Variants in INPP5F observed in about 807,000 individuals in gnomAD.
The protein encoded by INPP5F is phosphatidylinositide 4-phosphatase SAC2.
Under a neutral mutation model 137.2 loss-of-function variants are expected in INPP5F, and 97 were observed. That is an observed-to-expected ratio of 0.71 (90% confidence interval 0.60 to 0.84). The LOEUF is 0.84. INPP5F is among the 40% of genes least tolerant of loss of function. The pLI, the probability that INPP5F is intolerant of heterozygous loss-of-function variation, is 0.00. For synonymous variants in INPP5F, 504 were observed against 476.9 expected (o/e 1.06, Z -0.74); for missense variants, 1,271 against 1,371.9 (o/e 0.93, Z 1.16).
intron 15 of INPP5F, among the ~76,000 whole-genome samples, chr10:119,817,733 G>C (rs1190224457): frequency 6.6e-6 from 1 of 152,202 alleles, no homozygotes; most frequent in Non-Finnish European, 1.5e-5. Flanking sequence ...GTTGGGATTA[G>C]GGTCAAGTGA....
chr10:119,784,613 TTAA>T (rs896774341), intron 3 of INPP5F, among the ~76,000 whole-genome samples: 34 of 152,348 alleles, frequency 2.2e-4, no homozygotes, highest in Non-Finnish European at 4.1e-4. Context: ...GAGACGGGTA[TTAA>T]TAGAATTTCT....
intron 3 of INPP5F, among the ~76,000 whole-genome samples, chr10:119,783,538 G>C (rs1295441103): frequency 1.3e-5 from 2 of 152,156 alleles, no homozygotes; most frequent in African/African-American, 2.4e-5. Flanking sequence ...GAGGTGTTCT[G>C]ATGTCCTTCA....
intron 18 of INPP5F, among the ~76,000 whole-genome samples, chr10:119,823,565 A>C (rs1243387731): frequency 6.8e-6 from 1 of 146,228 alleles, no homozygotes; most frequent in African/African-American, 2.5e-5. Context: ...GTGCTTGAAC[A>C]AACATGAACT....
At chr10:119,782,804 G>A (rs755683667) in intron 3 of INPP5F, among the ~76,000 whole-genome samples, 8 of 152,110 alleles carry the variant, frequency 5.3e-5, no homozygotes, top group Non-Finnish European at 7.4e-5. Flanking sequence ...CTGAGCTGCC[G>A]CCCTGTTACC....
At chr10:119,794,985 C>T (rs1476055194) in intron 6 of INPP5F, among the ~76,000 whole-genome samples, 2 of 136,176 alleles carry the variant, frequency 1.5e-5, no homozygotes, top group South Asian at 2.5e-4. Context: ...CGGGCAGAGG[C>T]GCCCCTCACT....
chr10:119,794,548 CGG>C (rs1354458748), intron 6 of INPP5F, among the ~76,000 whole-genome samples: 2 of 152,034 alleles, frequency 1.3e-5, no homozygotes, highest in East Asian at 3.9e-4. Flanking sequence ...ACCTCCCAGA[CGG>C]GGTGGTGGCC....
In INPP5F at chr10:119,781,685, C is replaced by A; in HGVS notation, c.229C>A (p.Leu77Ile). Residue 77 changes from leucine (L) to isoleucine (I), a missense_variant, in exon 3 of 20, where the codon CTC becomes ATC. This residue lies in a region of INPP5F where 109 missense variants were observed against 105.1 expected (regional missense o/e 1.04). Coordinates refer to ENST00000650623, the MANE Select transcript of INPP5F (RefSeq NM_014937.4). ...LIRQKALVGK[L>I]PGDHEVCKVT... Reference sequence around the variant, plus strand: ...TCGGCAGAAAGCATTGGTGGGCAAACTCCCAGGAGACCATGAGGTCTGTAA... The same window carrying A: ...TCGGCAGAAAGCATTGGTGGGCAAAATCCCAGGAGACCATGAGGTCTGTAA... The A allele has an allele frequency of 1.2e-6, 2 of 1,612,780 alleles. No homozygotes were observed. The highest frequency in any genetic ancestry group is 3.3e-5 in the Admixed American group (2 of 59,988).
intron 2 of INPP5F, among the ~76,000 whole-genome samples, chr10:119,770,789 A>G (rs1849310476): frequency 2.0e-5 from 3 of 152,298 alleles, no homozygotes; most frequent in African/African-American, 7.2e-5. Flanking sequence ...ACTAGTGTTG[A>G]TACATTTCAA....
Position 119,787,944 on chromosome 10 carries a change from A to G in INPP5F, c.316-3573A>G, listed in dbSNP as rs1022480321. Among the ~76,000 whole-genome samples the G allele has an allele frequency of 6.6e-6, 1 of 152,184 alleles. No homozygotes were observed. On this transcript the variant is annotated intron_variant, in intron 3 of 19. Transcript: ENST00000650623. The surrounding 1 kb of genome is among the most constrained non-coding windows in gnomAD (Gnocchi z 4.1). ...ACTGAGTTGGATAATCCTGCATAGA[A>G]CATCTCCTGTGTGCCATGCCAGTAG...
chr10:119,742,519 G>A (rs1409289265), intron 1 of INPP5F, among the ~76,000 whole-genome samples: 1 of 152,174 alleles, frequency 6.6e-6, no homozygotes, highest in Non-Finnish European at 1.5e-5. Context: ...GATAGTAGCA[G>A]TAGGGGTCAA....
Position 119,827,051 on chromosome 10 carries a change from T to A in INPP5F, c.2670T>A (p.Pro890=), listed in dbSNP as rs1158821870. The A allele has an allele frequency of 3.1e-6, 5 of 1,614,164 alleles. No homozygotes were observed. Among genetic ancestry groups the A allele is most frequent in the Non-Finnish European group, 4.2e-6 (5 of 1,180,010 alleles). ...ESVGPIDYVL[P]SCGIIASAPR... ...TAGGGCCAATAGATTACGTTCTTCC[T>A]AGTTGTGGTATTATTGCCTCAGCGC... is the stretch of plus-strand genomic sequence containing the variant. The change falls in exon 20 of 20, where the codon CCT becomes CCA. Residue 890 remains proline, a synonymous_variant. Coordinates refer to ENST00000650623, the MANE Select transcript of INPP5F (RefSeq NM_014937.4).
At chr10:119,754,181 C>T (rs921377619) in intron 2 of INPP5F, among the ~76,000 whole-genome samples, 7 of 152,200 alleles carry the variant, frequency 4.6e-5, no homozygotes, top group African/African-American at 1.7e-4. Context: ...CCAGGGGACT[C>T]CTGGCCAGGG....
intron 2 of INPP5F, among the ~76,000 whole-genome samples, chr10:119,759,397 T>C (rs1027638467): frequency 6.6e-6 from 1 of 150,450 alleles, no homozygotes; most frequent in Non-Finnish European, 1.5e-5. Context: ...AAGATTTACT[T>C]TTTTTTTTTG....
rs1419446051 is a variant in INPP5F at position 119,745,643 on chromosome 10, A to G, written c.98-5433A>G. 2.3e-5 allele frequency among the ~76,000 whole-genome samples: 3 copies of G among 132,702 alleles called. No individual in the cohort carries two copies. In the Admixed American group the frequency reaches 2.3e-4, roughly 10 times the overall value. The allele number at this position is 132,702 out of a possible 152,430, so 87.1% of individuals were successfully genotyped here. Reference sequence around the variant, plus strand: ...TGATGTAATCCCTGGCCGTAATCTTATTTTACTTATGTTATTATCTGCTTG... The same window carrying G: ...TGATGTAATCCCTGGCCGTAATCTTGTTTTACTTATGTTATTATCTGCTTG... On this transcript the variant is annotated intron_variant, in intron 1 of 19. Transcript: ENST00000650623.
chr10:119,798,082 T>G (rs1850448947), intron 8 of INPP5F, among the ~76,000 whole-genome samples: 1 of 152,114 alleles, frequency 6.6e-6, no homozygotes, highest in Non-Finnish European at 1.5e-5. Flanking sequence ...ATTTTGTTTC[T>G]TCTAGTATTT....
rs1175146229 is a variant in INPP5F, at chr10:119,792,170, T to A, written c.626T>A (p.Phe209Tyr). ...CACCTTTTCTAGGTTGATGACCGAT[T>A]TTTTTGGAATAAATACATGATACAA... ...RPLWQKVDDR[F>Y]FWNKYMIQDL... Residue 209 changes from phenylalanine (F) to tyrosine (Y), a missense_variant, in exon 6 of 20, where the codon TTT becomes TAT. Physicochemically the swap from Phe to Tyr is conservative, Grantham distance 22. This residue lies in a region of INPP5F where 593 missense variants were observed against 712.4 expected (regional missense o/e 0.83). Transcript: ENST00000650623. The A allele has an allele frequency of 6.2e-7, 1 of 1,614,176 alleles. No homozygotes were observed. Among genetic ancestry groups the A allele is most frequent in the Non-Finnish European group, 8.5e-7 (1 of 1,179,990 alleles).
In INPP5F at chr10:119,828,957, A is replaced by G. The variant is rs951581195; in HGVS notation, c.*1177A>G. The G allele has an allele frequency of 6.6e-6, 1 of 152,652 alleles. No homozygotes were observed. Among genetic ancestry groups the G allele is most frequent in the African/African-American group, 2.4e-5 (1 of 41,458 alleles). 9.5% of individuals were successfully genotyped at this position (152,652 alleles called of 1,614,324 possible). ...CCCCACAGTAAGAAAGTTGTATGGC[A>G]TATTCCAACAAGTATTGGTTCGTCT... On this transcript the variant is annotated 3_prime_UTR_variant, in exon 20 of 20. Transcript: ENST00000650623.
chr10:119,729,669 C>A (rs891004759), intron 1 of INPP5F, among the ~76,000 whole-genome samples: 5 of 151,528 alleles, frequency 3.3e-5, no homozygotes, highest in Admixed American at 3.3e-4. Flanking sequence ...CCCTACCTCC[C>A]GGCACCAAGC....
At chr10:119,726,438 G>A in intron 1 of INPP5F, 79 bp downstream of exon 1, 1 of 825,206 alleles carries the variant, frequency 1.2e-6, no homozygotes, top group Non-Finnish European at 1.6e-6. Context: ...CCCTCAGCCG[G>A]GCGGGAGGAG....
Sources: allele counts gnomAD v4.1 joint callset (sites outside exome capture counted in the v4.1 genomes callset), GRCh38; gene constraint gnomAD v4.1.1; regional missense constraint gnomAD v4.1.1; non-coding constraint Gnocchi (gnomAD v3.1); transcripts MANE v1.5; gene names NCBI Gene and HGNC (gene_info 2026-07-23, HGNC 2026-07-21).